The following TLL1 variants were observed in gnomAD, a reference collection of about 807,000 sequenced individuals.
The protein encoded by TLL1 is tolloid like 1.
In TLL1, 49 loss-of-function variants were observed where a neutral mutation model predicts 128.2. That is an observed-to-expected ratio of 0.38 (90% CI 0.30 to 0.48). TLL1 has a LOEUF of 0.48. TLL1 is among the 20% of genes least tolerant of loss of function. The pLI, the probability that TLL1 is intolerant of heterozygous loss-of-function variation, is 0.96. For synonymous variants in TLL1, 454 were observed against 418.8 expected, an observed-to-expected ratio of 1.08 and a Z score of -1.03; for missense variants, 1,123 against 1,242.0, an observed-to-expected ratio of 0.90 and a Z score of 1.44.
At chr4:166,087,291 TA>T (rs1376949380) in intron 18 of TLL1, among the ~76,000 whole-genome samples, 1 of 152,112 alleles carries the variant, frequency 6.6e-6, no homozygotes, top group South Asian at 2.1e-4. Flanking sequence ...ATGGGATATT[TA>T]AAAAACAAAA....
In TLL1 at chr4:166,055,239, A is replaced by G. The variant is rs1441617922; in HGVS notation, c.1688A>G (p.Asn563Ser). 3 of 1,613,716 alleles carry G rather than the reference A, an allele frequency of 1.9e-6. No homozygotes were observed. The highest frequency in any genetic ancestry group is 4.5e-5 in the East Asian group (2 of 44,802). The change falls in exon 13 of 21, where the codon AAC becomes AGC. Residue 563 changes from asparagine to serine, a missense_variant. By Grantham distance (46) the Asn-to-Ser change is conservative. Transcript: ENST00000061240. ...WMKFVSDGTV[N>S]KAGFAANFFK... Reference sequence around the variant, plus strand: ...AAGTTTGTTTCTGACGGAACTGTGAACAAAGCAGGGTTTGCTGCTAACTTT... The same window carrying G: ...AAGTTTGTTTCTGACGGAACTGTGAGCAAAGCAGGGTTTGCTGCTAACTTT...
intron 18 of TLL1, among the ~76,000 whole-genome samples, chr4:166,078,436 A>G (rs1346890722): frequency 6.6e-6 from 1 of 152,216 alleles, no homozygotes; most frequent in Non-Finnish European, 1.5e-5. Flanking sequence ...TGCCAATTGC[A>G]TATACATACG....
rs141741844 is a variant in TLL1, at chr4:165,890,948, C to T, written c.169+16875C>T. Among the ~76,000 whole-genome samples the T allele has an allele frequency of 8.5e-5, 13 of 152,338 alleles. No individual in the cohort carries two copies. The East Asian group carries it at 2.5e-3, about 29-fold the overall frequency. ...ACACCTCTGCCTGGACATCCAGGCACTTCCATACATCTCTGAAATCTAGGC... is the reference window on the plus strand; with the variant it reads ...ACACCTCTGCCTGGACATCCAGGCATTTCCATACATCTCTGAAATCTAGGC... On this transcript the variant is annotated intron_variant, in intron 1 of 20. Transcript: ENST00000061240.
chr4:165,876,418 T>A (rs1424629965), intron 1 of TLL1, among the ~76,000 whole-genome samples: 1 of 152,166 alleles, frequency 6.6e-6, no homozygotes, highest in African/African-American at 2.4e-5. Context: ...GAGAAGGTAC[T>A]TTCCAGACAC....
At chr4:165,950,424 A>C (rs1414970281) in intron 1 of TLL1, among the ~76,000 whole-genome samples, 1 of 152,092 alleles carries the variant, frequency 6.6e-6, no homozygotes, top group Admixed American at 6.6e-5. Context: ...ATTCAACATG[A>C]CCCAGTTGAT....
At chr4:165,965,821 G>T (rs1207872395) in intron 1 of TLL1, among the ~76,000 whole-genome samples, 1 of 152,134 alleles carries the variant, frequency 6.6e-6, no homozygotes, top group African/African-American at 2.4e-5. Flanking sequence ...TCACTTACCT[G>T]AAATTCTAGA....
intron 1 of TLL1, among the ~76,000 whole-genome samples, chr4:165,953,665 GAATA>G (rs1351035629): frequency 6.7e-6 from 1 of 149,750 alleles, no homozygotes; most frequent in East Asian, 2.0e-4. Flanking sequence ...ATGTACAAAT[GAATA>G]GAGTGAATTT....
At chr4:165,930,663 A>G (rs1733475193) in intron 1 of TLL1, among the ~76,000 whole-genome samples, 1 of 152,200 alleles carries the variant, frequency 6.6e-6, no homozygotes, top group Admixed American at 6.5e-5. Flanking sequence ...TTAAAACAAA[A>G]ATGAATTTCT....
At chr4:166,054,568 C>A (rs1739912820) in intron 12 of TLL1, among the ~76,000 whole-genome samples, 1 of 111,046 alleles carries the variant, frequency 9.0e-6, no homozygotes, top group Non-Finnish European at 1.7e-5. Flanking sequence ...CTCCTCCCTC[C>A]CCCCACCCCA....
At chr4:165,911,377 T>A (rs1219506617) in intron 1 of TLL1, among the ~76,000 whole-genome samples, 1 of 152,234 alleles carries the variant, frequency 6.6e-6, no homozygotes, top group Non-Finnish European at 1.5e-5. Context: ...GATTTCATTC[T>A]TTTTTATGGC....
rs1461998105 is a variant in TLL1 at position 166,091,222 on chromosome 4, G to C, written c.2537G>C (p.Gly846Ala). 10 of 1,613,124 alleles carry C rather than the reference G, an allele frequency of 6.2e-6. No homozygotes were observed. In the Admixed American group the frequency reaches 1.7e-4, roughly 27 times the overall value. Reference protein sequence around the residue: ...DGETEKSPILGRLCGNKIPDP... With the variant: ...DGETEKSPILARLCGNKIPDP... ...GAAACAGAAAAGTCACCGATTCTTG[G>C]ACGACTGTGTGGCAACAAGATACCA... Residue 846 changes from glycine to alanine, a missense_variant, in exon 19 of 21, where the codon GGA becomes GCA. Physicochemically the swap from Gly to Ala is moderately conservative, Grantham distance 60 (BLOSUM62 0). Transcript: ENST00000061240.
intron 1 of TLL1, among the ~76,000 whole-genome samples, chr4:165,950,175 A>C (rs1026304458): frequency 3.3e-5 from 5 of 152,180 alleles, no homozygotes; most frequent in African/African-American, 9.6e-5. Flanking sequence ...ACCAGGGAGA[A>C]GAAGGAATAT....
At chr4:165,977,187 T>A (rs1460404002) in intron 1 of TLL1, among the ~76,000 whole-genome samples, 1 of 152,140 alleles carries the variant, frequency 6.6e-6, no homozygotes, top group Non-Finnish European at 1.5e-5. Context: ...AATTGTAATC[T>A]CCACAATCTC....
At chr4:165,919,339 C>T (rs1462871958) in intron 1 of TLL1, among the ~76,000 whole-genome samples, 1 of 144,976 alleles carries the variant, frequency 6.9e-6, no homozygotes, top group East Asian at 2.1e-4. Flanking sequence ...GTGGTGATCA[C>T]ACCACTGCAC....
In TLL1 at chr4:166,065,985, C is replaced by CCATTTGATATAGGTTTAGT; in HGVS notation, c.2188+122_2188+123insCATTTGATATAGGTTTAGT. 4 of 695,246 alleles carry CCATTTGATATAGGTTTAGT rather than the reference C, an allele frequency of 5.8e-6. No individual in the cohort carries two copies. The African/African-American group carries it at 7.6e-5, about 13-fold the overall frequency. 43.1% of individuals were successfully genotyped at this position (695,246 alleles called of 1,614,324 possible). ...GCAACTTGAAGATAAGTAGGCCTTA[C>CCATTTGATATAGGTTTAGT]AAACAACACAAAAATAATTATAGCA... On this transcript the variant is annotated intron_variant, in intron 16 of 20. Coordinates refer to ENST00000061240, the MANE Select transcript of TLL1 (RefSeq NM_012464.5).
chr4:166,094,972 T>C (rs1344777477), intron 19 of TLL1, among the ~76,000 whole-genome samples: 4 of 152,114 alleles, frequency 2.6e-5, no homozygotes. Context: ...ACTTATGATT[T>C]TCAATTTATC....
At chr4:165,874,511 T>C (rs1029244758) in intron 1 of TLL1, among the ~76,000 whole-genome samples, 7 of 152,040 alleles carry the variant, frequency 4.6e-5, no homozygotes, top group Admixed American at 1.3e-4. Flanking sequence ...TTGGCAGGGT[T>C]CCCCAAAAGA....
At chr4:165,915,366 T>C (rs556197537) in intron 1 of TLL1, among the ~76,000 whole-genome samples, 8 of 152,312 alleles carry the variant, frequency 5.3e-5, no homozygotes, top group Admixed American at 1.3e-4. Context: ...GATTAAGTCT[T>C]CCTGCAGTCT....
intron 1 of TLL1, among the ~76,000 whole-genome samples, chr4:165,932,040 C>A (rs1038841116): frequency 1.3e-5 from 2 of 152,134 alleles, no homozygotes; most frequent in Non-Finnish European, 2.9e-5. Flanking sequence ...CAGATGTTTG[C>A]AGTTCCGTAT....
Sources: gnomAD v4.1 joint callset for allele counts (sites outside exome capture counted in the v4.1 genomes callset) on GRCh38, gnomAD v4.1.1 for gene constraint, MANE v1.5 for transcripts, NCBI Gene and HGNC (gene_info 2026-07-23, HGNC 2026-07-21) for gene names.